PDE4B: variants seen among roughly 807,000 people sequenced by gnomAD.
PDE4B encodes phosphodiesterase 4B.
A neutral mutation model predicts 82.2 loss-of-function variants in PDE4B; 20 were observed. That is an observed-to-expected ratio of 0.24 (90% CI 0.17 to 0.35). The LOEUF is 0.35. Among genes scored for constraint, PDE4B ranks in the 10% least tolerant of loss-of-function variants. PDE4B has a pLI of 1.00. For synonymous variants in PDE4B, 320 were observed against 318.9 expected (o/e 1.00, Z -0.04); for missense variants, 655 against 907.2 (o/e 0.72, Z 3.57).
At chr1:66,175,500 T>G (rs1212900837) in intron 3 of PDE4B, among the ~76,000 whole-genome samples, 1 of 152,206 alleles carries the variant, frequency 6.6e-6, no homozygotes, top group African/African-American at 2.4e-5. Flanking sequence ...TCCAAATATA[T>G]TATCTCTGAC....
intron 3 of PDE4B, among the ~76,000 whole-genome samples, chr1:66,188,691 A>T (rs913340911): frequency 6.6e-6 from 1 of 151,494 alleles, no homozygotes; most frequent in African/African-American, 2.4e-5. Context: ...TGCTTGGTAG[A>T]TCTTCCTCCA....
chr1:66,152,212 T>A (rs1316827139), intron 3 of PDE4B, among the ~76,000 whole-genome samples: 1 of 152,164 alleles, frequency 6.6e-6, no homozygotes, highest in African/African-American at 2.4e-5. Flanking sequence ...CACTGCTTGA[T>A]GCTAGGGGAG....
intron 1 of PDE4B, among the ~76,000 whole-genome samples, chr1:65,848,538 T>G (rs1158049498): frequency 6.6e-6 from 1 of 152,180 alleles, no homozygotes. Context: ...TGTGCCAACT[T>G]CTAGTCACTT....
chr1:65,906,095 A>G (rs1163631513), intron 1 of PDE4B, among the ~76,000 whole-genome samples: 1 of 152,140 alleles, frequency 6.6e-6, no homozygotes, highest in African/African-American at 2.4e-5. Context: ...AAAGTTGGTA[A>G]TATTAATTGA....
chr1:65,870,279 A>G (rs1225818861), intron 1 of PDE4B, among the ~76,000 whole-genome samples: 1 of 152,130 alleles, frequency 6.6e-6, no homozygotes, highest in Non-Finnish European at 1.5e-5. Context: ...TCATTCTTAG[A>G]TGTTATTTTT....
intron 3 of PDE4B, among the ~76,000 whole-genome samples, chr1:66,117,911 G>C (rs1461459473): frequency 6.6e-6 from 1 of 152,116 alleles, no homozygotes. Context: ...GGTTGAACTA[G>C]TTTACAGTCC....
chr1:66,286,695 C>T (rs1656701864), intron 7 of PDE4B, among the ~76,000 whole-genome samples: 1 of 152,144 alleles, frequency 6.6e-6, no homozygotes, highest in South Asian at 2.1e-4. Context: ...AACTTGTGGT[C>T]ACAGGGTCAG....
intron 3 of PDE4B, among the ~76,000 whole-genome samples, chr1:66,145,026 T>C (rs1646241858): frequency 6.6e-6 from 1 of 152,234 alleles, no homozygotes; most frequent in African/African-American, 2.4e-5. Context: ...AATCTCTTTA[T>C]GCCTTGATGA....
chr1:65,853,553 C>T (rs562971503), intron 1 of PDE4B, among the ~76,000 whole-genome samples: 18 of 147,930 alleles, frequency 1.2e-4, no homozygotes, highest in African/African-American at 3.2e-4. Context: ...ATTTTTGAGA[C>T]GGAGTCTCAC....
intron 3 of PDE4B, among the ~76,000 whole-genome samples, chr1:66,116,416 T>TC (rs1017755160): frequency 2.4e-4 from 37 of 152,002 alleles, no homozygotes; most frequent in African/African-American, 8.7e-4. Context: ...GCTCCCTTCC[T>TC]CCCCCCAACT....
intron 3 of PDE4B, among the ~76,000 whole-genome samples, chr1:66,163,132 A>G (rs1454508371): frequency 6.6e-6 from 1 of 152,182 alleles, no homozygotes; most frequent in Admixed American, 6.5e-5. Flanking sequence ...CTTACTAGCT[A>G]CAGTAATCTA....
intron 3 of PDE4B, among the ~76,000 whole-genome samples, chr1:65,963,967 G>A (rs527481625): frequency 3.8e-4 from 58 of 152,178 alleles, no homozygotes; most frequent in Admixed American, 7.2e-4. Context: ...GCAGAAACTG[G>A]TAAATTATCA....
At chr1:65,992,120 G>A (rs1198217909) in intron 3 of PDE4B, among the ~76,000 whole-genome samples, 1 of 152,052 alleles carries the variant, frequency 6.6e-6, no homozygotes, top group Non-Finnish European at 1.5e-5. Flanking sequence ...TGCTGTTTTG[G>A]ATCTTCTGGA....
intron 3 of PDE4B, among the ~76,000 whole-genome samples, chr1:66,063,169 A>G (rs1475373545): frequency 6.6e-6 from 1 of 152,034 alleles, no homozygotes; most frequent in Non-Finnish European, 1.5e-5. Context: ...AGTTTAAAAG[A>G]CACTAAACTT....
At chr1:66,242,436 T>C (rs945692654) in intron 3 of PDE4B, among the ~76,000 whole-genome samples, 1 of 152,212 alleles carries the variant, frequency 6.6e-6, no homozygotes, top group Non-Finnish European at 1.5e-5. Context: ...TTTGTGGAGT[T>C]TGCAGTCTTT....
intron 7 of PDE4B, among the ~76,000 whole-genome samples, chr1:66,297,960 C>G (rs182996127): frequency 6.6e-6 from 1 of 152,238 alleles, no homozygotes; most frequent in East Asian, 1.9e-4. Flanking sequence ...TGTCCTATTA[C>G]TTATCCTATT....
chr1:66,246,035 G>T (rs1007300238), intron 3 of PDE4B, among the ~76,000 whole-genome samples: 2 of 152,150 alleles, frequency 1.3e-5, no homozygotes, highest in Non-Finnish European at 2.9e-5. Flanking sequence ...AGACTAAAGA[G>T]GAATTTCACT....
At chr1:66,191,469 A>G (rs1238195639) in intron 3 of PDE4B, among the ~76,000 whole-genome samples, 2 of 152,198 alleles carry the variant, frequency 1.3e-5, no homozygotes, top group African/African-American at 4.8e-5. Flanking sequence ...TACAATGTAT[A>G]TTTAAAAATT....
intron 3 of PDE4B, among the ~76,000 whole-genome samples, chr1:66,109,382 G>A (rs1439869787): frequency 6.6e-6 from 1 of 151,792 alleles, no homozygotes; most frequent in Non-Finnish European, 1.5e-5. Flanking sequence ...ATTTTTGAAA[G>A]CTGGAGAGAT....
Sources: gnomAD v4.1 joint callset for allele counts (sites outside exome capture counted in the v4.1 genomes callset) on GRCh38, gnomAD v4.1.1 for gene constraint, MANE v1.5 for transcripts, NCBI Gene and HGNC (gene_info 2026-07-23, HGNC 2026-07-21) for gene names.